Variants in ABL1 observed in about 807,000 individuals in gnomAD.
ABL1 encodes ABL proto-oncogene 1, non-receptor tyrosine kinase, also known as tyrosine-protein kinase ABL1.
ABL1 carries 11 observed loss-of-function variants against 94.7 expected under a neutral mutation model. That is an observed-to-expected ratio of 0.12 (90% CI 0.07 to 0.19). The LOEUF (loss-of-function observed/expected upper bound fraction) is 0.19, where lower values mean the gene tolerates loss of function less well. Among genes scored for constraint, ABL1 ranks in the 10% least tolerant of loss-of-function variants. The pLI is 1.00. For missense variants in ABL1, 1,082 were observed against 1,489.4 expected, an observed-to-expected ratio of 0.73 and a Z score of 4.50; for synonymous variants, 656 against 622.4, an observed-to-expected ratio of 1.05 and a Z score of -0.80.
chr9:130,762,144 C>CAAA (rs35046698), intron 1 of ABL1, among the ~76,000 whole-genome samples: 29,201 of 132,014 alleles, frequency 0.22, 3,636 homozygotes, highest in Middle Eastern at 0.38. Context: ...ACTCCCAGCT[C>CAAA]AAAAAAAAAA....
At chr9:130,766,202 C>T (rs1832181006) in intron 1 of ABL1, among the ~76,000 whole-genome samples, 1 of 152,220 alleles carries the variant, frequency 6.6e-6, no homozygotes, top group African/African-American at 2.4e-5. Flanking sequence ...ACCAAGAAGC[C>T]TCGGCCCCCA....
intron 3 of ABL1, among the ~76,000 whole-genome samples, chr9:130,859,688 T>C (rs1198364719): frequency 1.4e-4 from 16 of 115,232 alleles, no homozygotes; most frequent in African/African-American, 5.8e-4. Context: ...TTTTTTTTTT[T>C]TTTTTTTTTT....
chr9:130,828,567 A>G (rs1200890325), intron 1 of ABL1, among the ~76,000 whole-genome samples: 2 of 152,296 alleles, frequency 1.3e-5, no homozygotes, highest in South Asian at 2.1e-4. Context: ...AGAGAACAAT[A>G]AGAGAGAACA....
At chr9:130,721,037 C>T (rs1564267610) in intron 1 of ABL1, among the ~76,000 whole-genome samples, 3 of 150,800 alleles carry the variant, frequency 2.0e-5, no homozygotes, top group Admixed American at 6.6e-5. Flanking sequence ...TCAGGTAAAA[C>T]CACTTATGGT....
chr9:130,884,045 T>A lies in ABL1; in HGVS notation c.1755T>A (p.Asn585Lys). 6.2e-7 allele frequency: 1 copy of A among 1,613,920 alleles called. No individual in the cohort carries two copies. Among genetic ancestry groups the A allele is most frequent in the Non-Finnish European group, 8.5e-7 (1 of 1,180,030 alleles). The part of the protein sequence containing the change: ...KERGPPEGGL[N>K]EDERLLPKDK... ...GAGGTCCCCCGGAGGGCGGCCTGAA[T>A]GAAGATGAGCGCCTTCTCCCCAAAG... is the stretch of plus-strand genomic sequence containing the variant. The change falls in exon 11 of 11, where the codon AAT (asparagine) becomes AAA (lysine). Residue 585 changes from asparagine to lysine, a missense_variant. Transcript: ENST00000318560. The surrounding 1 kb of genome is among the most constrained non-coding windows in gnomAD (Gnocchi z 5.6).
chr9:130,837,549 C>CA (rs35018465), intron 1 of ABL1, among the ~76,000 whole-genome samples: 2,757 of 137,852 alleles, frequency 0.02, 59 homozygotes, highest in African/African-American at 0.062. Flanking sequence ...TCTAAAGTCT[C>CA]AAAAAAAAAA....
At chr9:130,883,474 G>A (rs1443806861) in intron 10 of ABL1, among the ~76,000 whole-genome samples, 2 of 149,146 alleles carry the variant, frequency 1.3e-5, no homozygotes, top group Non-Finnish European at 3.0e-5. Context: ...TCCAGCGTAG[G>A]CAACAAGCGA....
At chr9:130,871,002 G>A (rs919665247) in intron 4 of ABL1, among the ~76,000 whole-genome samples, 2 of 152,118 alleles carry the variant, frequency 1.3e-5, no homozygotes, top group Non-Finnish European at 2.9e-5. Context: ...CAAACGGGCC[G>A]GAACATACAA....
chr9:130,761,997 G>A (rs941167931), intron 1 of ABL1, among the ~76,000 whole-genome samples: 3 of 151,982 alleles, frequency 2.0e-5, no homozygotes, highest in African/African-American at 7.2e-5. Flanking sequence ...TACAAAATTA[G>A]CTGGGCTTGC....
intron 7 of ABL1, among the ~76,000 whole-genome samples, chr9:130,875,517 GT>G (rs1831325894): frequency 6.6e-6 from 1 of 151,004 alleles, no homozygotes; most frequent in Admixed American, 6.6e-5. Flanking sequence ...CTGCTGATCT[GT>G]TAAGTCTCCT....
At chr9:130,728,969 A>G (rs189656889) in intron 1 of ABL1, among the ~76,000 whole-genome samples, 276 of 152,196 alleles carry the variant, frequency 1.8e-3, no homozygotes, top group Non-Finnish European at 3.2e-3. Flanking sequence ...ATCTTTCTTT[A>G]AAGAAGTTTT....
intron 1 of ABL1, among the ~76,000 whole-genome samples, chr9:130,811,140 T>C (rs1437253399): frequency 2.6e-5 from 4 of 151,036 alleles, no homozygotes; most frequent in East Asian, 3.9e-4. Flanking sequence ...CCAGTAGATA[T>C]GCAGTACAAG....
chr9:130,819,436 C>T (rs1446035217), intron 1 of ABL1, among the ~76,000 whole-genome samples: 2 of 151,536 alleles, frequency 1.3e-5, no homozygotes, highest in Admixed American at 1.3e-4. Flanking sequence ...CTCTAATGTT[C>T]GTTGAATGAA....
At chr9:130,725,839 T>TGTTTTTTG (rs1564269509) in intron 1 of ABL1, among the ~76,000 whole-genome samples, 6 of 131,512 alleles carry the variant, frequency 4.6e-5, no homozygotes, top group African/African-American at 1.7e-4. Flanking sequence ...TTTTTTTTTT[T>TGTTTTTTG]TTTTTTTTTT....
chr9:130,730,486 ATC>A (rs1390753325), intron 1 of ABL1, among the ~76,000 whole-genome samples: 1 of 152,056 alleles, frequency 6.6e-6, no homozygotes, highest in Non-Finnish European at 1.5e-5. Flanking sequence ...GTACCTATGT[ATC>A]TCTTGCCAGT....
intron 1 of ABL1, among the ~76,000 whole-genome samples, chr9:130,778,526 G>T (rs1341455179): frequency 6.6e-6 from 1 of 152,030 alleles, no homozygotes; most frequent in African/African-American, 2.4e-5. Flanking sequence ...GTTTTCCCCC[G>T]CCCTCTGTGT....
chr9:130,830,196 C>G (rs1247347409), intron 1 of ABL1, among the ~76,000 whole-genome samples: 1 of 152,012 alleles, frequency 6.6e-6, no homozygotes, highest in Non-Finnish European at 1.5e-5. Flanking sequence ...TAGGTTTAGA[C>G]TTGTTAATTA....
At position 130,872,242 on chromosome 9, in the gene ABL1, G is replaced by A. The variant is rs1243821363; in HGVS notation, c.907+29G>A. 3.1e-6 allele frequency: 5 copies of A among 1,600,820 alleles called. No homozygotes were observed. The highest frequency in any genetic ancestry group is 2.2e-5 in the East Asian group (1 of 44,642). On this transcript the variant is annotated intron_variant, in intron 5 of 10. Transcript: ENST00000318560. This position sits in a 1 kb window ranked among gnomAD's most constrained non-coding sequence, Gnocchi z 5.0. ...AGTAAGCCCGGGGCTCTGAAGAGAGGGTCTCGCGCCGCACCCCCAGGGTGA... is the reference window on the plus strand; with the variant it reads ...AGTAAGCCCGGGGCTCTGAAGAGAGAGTCTCGCGCCGCACCCCCAGGGTGA...
chr9:130,772,454 T>C (rs1281561490), intron 1 of ABL1, among the ~76,000 whole-genome samples: 1 of 152,254 alleles, frequency 6.6e-6, no homozygotes, highest in African/African-American at 2.4e-5. Flanking sequence ...ATTCAAATGC[T>C]AGACCTTACT....
Sources: allele counts gnomAD v4.1 joint callset (sites outside exome capture counted in the v4.1 genomes callset), GRCh38; gene constraint gnomAD v4.1.1; non-coding constraint Gnocchi (gnomAD v3.1); transcripts MANE v1.5; gene names NCBI Gene and HGNC (gene_info 2026-07-23, HGNC 2026-07-21).